AURKC: variants seen among roughly 807,000 people sequenced by gnomAD.
The protein encoded by AURKC is aurora kinase C.
A neutral mutation model predicts 29.2 loss-of-function variants in AURKC; 15 were observed. The observed-to-expected ratio is 0.51, with a 90% CI of 0.34 to 0.79. The LOEUF (loss-of-function observed/expected upper bound fraction) is 0.79, where lower values mean the gene tolerates loss of function less well. Ranked by LOEUF, AURKC falls within the 30% of genes least tolerant of loss-of-function variation. The pLI, the probability that AURKC is intolerant of heterozygous loss-of-function variation, is 0.01. For synonymous variants in AURKC, 150 were observed against 149.9 expected, an observed-to-expected ratio of 1.00 and a Z score of -0.01; for missense variants, 332 against 383.2, an observed-to-expected ratio of 0.87 and a Z score of 1.12.
At chr19:57,231,372 A>T (rs770034685) in intron 1 of AURKC, 66 bp downstream of exon 1, 1 of 1,526,016 alleles carries the variant, frequency 6.6e-7, no homozygotes, top group Non-Finnish European at 8.9e-7. Context: ...TCGGGTGCAC[A>T]GAAGACACAT....
Position 57,231,256 on chromosome 19 carries a change from C to T in AURKC, c.8C>T (p.Ser3Phe). MS[S>F]PRAVVQLGKA... is the part of the protein sequence containing the mutation. The stretch of plus-strand genomic sequence containing the variant: ...CCCTCACCTCTTCTCCCCATGAGCT[C>T]CCCCAGAGCTGTGGTGCAGCTGGGC... The change falls in exon 1 of 7, where the codon TCC becomes TTC. Residue 3 changes from serine (S) to phenylalanine (F), a missense_variant. Physicochemically the swap from Ser to Phe is radical, Grantham distance 155. Transcript: ENST00000302804. The T allele has an allele frequency of 1.3e-6, 2 of 1,552,052 alleles. No homozygotes were observed. The highest frequency in any genetic ancestry group is 1.7e-6 in the Non-Finnish European group (2 of 1,147,184).
Position 57,233,311 on chromosome 19 carries a change from C to T in AURKC, c.436-149C>T. 3 of 1,151,870 alleles carry T rather than the reference C, an allele frequency of 2.6e-6. No individual in the cohort carries two copies. In the South Asian group the frequency reaches 3.7e-5, roughly 14 times the overall value. 71.4% of individuals were successfully genotyped at this position (1,151,870 alleles called of 1,614,324 possible). On this transcript the variant is annotated intron_variant, in intron 4 of 6. Transcript: ENST00000302804. ...GGAGAGGAAAACCACACCCCACACA[C>T]CAGTAACTGGTGCAATTTAAAAGGA... is the stretch of plus-strand genomic sequence containing the variant.
At chr19:57,231,706 C>A (rs2087492530) in intron 1 of AURKC, 36 bp from the exon 2 acceptor site, 2 of 1,612,120 alleles carry the variant, frequency 1.2e-6, no homozygotes, top group Non-Finnish European at 1.7e-6. Flanking sequence ...TCCCTCCCCT[C>A]TCCCTTCCTA....
chr19:57,233,425 T>G, intron 4 of AURKC, 35 bp from the exon 5 acceptor site: 1 of 1,614,076 alleles, frequency 6.2e-7, no homozygotes, highest in Non-Finnish European at 8.5e-7. Context: ...TGTGGCAGGC[T>G]TCACTTCCAG....
At chr19:57,234,219 G>A (rs150026473) in intron 5 of AURKC, among the ~76,000 whole-genome samples, 2,831 of 151,876 alleles carry the variant, frequency 0.019, 45 homozygotes, top group Non-Finnish European at 0.029. Context: ...CATCACACCC[G>A]GCTGATTTTG....
Position 57,231,182 on chromosome 19 carries a change from A to G in AURKC, c.-67A>G, listed in dbSNP as rs886823430. 5.8e-6 allele frequency: 9 copies of G among 1,550,584 alleles called. No individual in the cohort carries two copies. In the Admixed American group the frequency reaches 7.9e-5, roughly 14 times the overall value. ...AAAGTGACCCCCCACCCCTTTCAGG[A>G]CCCTGTGAACGGGAACAGCCATCCA... On this transcript the variant is annotated 5_prime_UTR_variant, in exon 1 of 7. Coordinates refer to ENST00000302804, the MANE Select transcript of AURKC (RefSeq NM_001015878.2).
chr19:57,231,527 C>T, intron 1 of AURKC: 2 of 736,284 alleles, frequency 2.7e-6, no homozygotes, highest in South Asian at 1.7e-5. Flanking sequence ...TTCACCTCCT[C>T]CTCCCCTCCC....
At chr19:57,231,594 TC>T (rs908397097) in intron 1 of AURKC, 147 bp from the exon 2 acceptor site, 1 of 776,840 alleles carries the variant, frequency 1.3e-6, no homozygotes, top group Non-Finnish European at 2.1e-6. Flanking sequence ...CTCCCTGCCT[TC>T]CCCTTCCCTC....
chr19:57,231,545 C>T (rs2087489903), intron 1 of AURKC, 197 bp from the exon 2 acceptor site: 1 of 757,972 alleles, frequency 1.3e-6, no homozygotes, highest in Non-Finnish European at 2.2e-6. Context: ...CCCTACCTTA[C>T]CTTACTCTTT....
In AURKC at chr19:57,232,952, T is replaced by G. The variant is rs1300343529; in HGVS notation, c.435+272T>G. ...AACAGAATCTAACTCCACTGCCTTA[T>G]GTAAAGAAACATATTGAAAGGCTCT... On this transcript the variant is annotated intron_variant, in intron 4 of 6. Transcript: ENST00000302804. This position sits in a 1 kb window ranked among gnomAD's most constrained non-coding sequence, Gnocchi z 4.5. Among the ~76,000 whole-genome samples, 1 of 152,208 alleles carries G rather than the reference T, an allele frequency of 6.6e-6. No individual in the cohort carries two copies. Among genetic ancestry groups the G allele is most frequent in the Non-Finnish European group, 1.5e-5 (1 of 68,034 alleles).
intron 1 of AURKC, 74 bp downstream of exon 1, chr19:57,231,380 C>T: frequency 7.5e-6 from 11 of 1,473,160 alleles, no homozygotes; most frequent in Non-Finnish European, 1.0e-5. Flanking sequence ...ACAGAAGACA[C>T]ATGTGTTGAC....
At position 57,232,002 on chromosome 19, in the gene AURKC, A is replaced by T. The variant is rs772212757; in HGVS notation, c.105-31A>T. On this transcript the variant is annotated intron_variant, in intron 2 of 6. Coordinates refer to ENST00000302804, the MANE Select transcript of AURKC (RefSeq NM_001015878.2). The surrounding 1 kb of genome is among the most constrained non-coding windows in gnomAD (Gnocchi z 4.5). ...TTCCCTCCGCCTACCCTACCTCCCAAGCTGAGGCTTTTTTCTTCCTCTCCT... is the reference window on the plus strand; with the variant it reads ...TTCCCTCCGCCTACCCTACCTCCCATGCTGAGGCTTTTTTCTTCCTCTCCT... The T allele has an allele frequency of 6.2e-7, 1 of 1,613,742 alleles. No homozygotes were observed. Among genetic ancestry groups the T allele is most frequent in the Admixed American group, 1.7e-5 (1 of 60,010 alleles).
Position 57,232,202 on chromosome 19 carries a change from A to G in AURKC, c.274A>G (p.Ile92Val). Residue 92 changes from isoleucine to valine, a missense_variant, in exon 3 of 7, where the codon ATT (isoleucine) becomes GTT (valine). Physicochemically the swap from Ile to Val is conservative, Grantham distance 29. Transcript: ENST00000302804. This position sits in a 1 kb window ranked among gnomAD's most constrained non-coding sequence, Gnocchi z 4.5. ...ACTGGAGCACCAGCTGCGCCGGGAA[A>G]TTGAGATCCAGGCTCATCTACAGTA... ...EGLEHQLRRE[I>V]EIQAHLQHPN... 1 of 1,614,038 alleles carries G rather than the reference A, an allele frequency of 6.2e-7. No homozygotes were observed. Among genetic ancestry groups the G allele is most frequent in the Non-Finnish European group, 8.5e-7 (1 of 1,180,022 alleles).
chr19:57,232,081 G>C lies in AURKC; in HGVS notation c.153G>C (p.Lys51Asn). The change falls in exon 3 of 7, where the codon AAG (lysine) becomes AAC (asparagine). Residue 51 changes from lysine (K) to asparagine (N), a missense_variant. Coordinates refer to ENST00000302804, the MANE Select transcript of AURKC (RefSeq NM_001015878.2). This position sits in a 1 kb window ranked among gnomAD's most constrained non-coding sequence, Gnocchi z 4.5. ...DDFEIGRPLG[K>N]GKFGNVYLAR... is the part of the protein sequence containing the mutation. ...TTGAAATCGGGCGTCCCCTGGGCAA[G>C]GGGAAATTTGGGAATGTGTACCTGG... The C allele has an allele frequency of 6.2e-7, 1 of 1,614,136 alleles. No homozygotes were observed. Among genetic ancestry groups the C allele is most frequent in the South Asian group, 1.1e-5 (1 of 91,078 alleles).
At chr19:57,234,053 C>CTTTTTTTTTTT (rs10586926) in intron 5 of AURKC, among the ~76,000 whole-genome samples, 11 of 112,616 alleles carry the variant, frequency 9.8e-5, no homozygotes, top group Non-Finnish European at 1.4e-4. Flanking sequence ...TTTTTCTTTT[C>CTTTTTTTTTTT]TTTTTTTTTT....
At position 57,231,047 on chromosome 19, in the gene AURKC, G is replaced by C. The variant is rs962952484; in HGVS notation, c.-202G>C. 1 of 1,287,324 alleles carries C rather than the reference G, an allele frequency of 7.8e-7. No homozygotes were observed. Among genetic ancestry groups the C allele is most frequent in the Non-Finnish European group, 1.1e-6 (1 of 905,082 alleles). The allele number at this position is 1,287,324 out of a possible 1,614,324, so 79.7% of individuals were successfully genotyped here. A position where few individuals can be genotyped will look rare whatever the true frequency, so the allele number is the denominator to read the frequency against. On this transcript the variant is annotated 5_prime_UTR_variant, in exon 1 of 7. Transcript: ENST00000302804. ...TGAGCGGTTGGTGCCGGGTATAAAAGAAGGCCGCGCAGCCACGGCTGCTCA... is the reference window on the plus strand; with the variant it reads ...TGAGCGGTTGGTGCCGGGTATAAAACAAGGCCGCGCAGCCACGGCTGCTCA...
chr19:57,231,419 G>A (rs774505796), intron 1 of AURKC, 113 bp downstream of exon 1: 2 of 1,230,022 alleles, frequency 1.6e-6, no homozygotes, highest in Non-Finnish European at 1.2e-6. Context: ...CCTCCCCAAC[G>A]CTCTTCTTTT....
chr19:57,233,388 G>T, intron 4 of AURKC, 72 bp from the exon 5 acceptor site: 1 of 1,603,286 alleles, frequency 6.2e-7, no homozygotes, highest in Non-Finnish European at 8.5e-7. Context: ...TACAATTCAT[G>T]GTAAGTGTTC....
In AURKC at chr19:57,235,391, C is replaced by G. The variant is rs766124268; in HGVS notation, c.904C>G (p.Pro302Ala). The G allele has an allele frequency of 1.2e-6, 2 of 1,614,014 alleles. No homozygotes were observed. Among genetic ancestry groups the G allele is most frequent in the Admixed American group, 1.7e-5 (1 of 60,016 alleles). The change falls in exon 7 of 7, where the codon CCT becomes GCT. Residue 302 changes from proline to alanine, a missense_variant. By Grantham distance (27) the Pro-to-Ala change is conservative. Coordinates refer to ENST00000302804, the MANE Select transcript of AURKC (RefSeq NM_001015878.2). ...TCAGGCCCACTCCCGAAGGGTGCTG[C>G]CTCCCTGTGCTCAGATGGCTTCCTG... ...WVQAHSRRVL[P>A]PCAQMAS
Sources: gnomAD v4.1 joint callset for allele counts (sites outside exome capture counted in the v4.1 genomes callset) on GRCh38, gnomAD v4.1.1 for gene constraint, Gnocchi (gnomAD v3.1) non-coding constraint, MANE v1.5 for transcripts, NCBI Gene and HGNC (gene_info 2026-07-23, HGNC 2026-07-21) for gene names.